SYTL2: variants seen among roughly 807,000 people sequenced by gnomAD.
The protein encoded by SYTL2 is synaptotagmin-like protein 2.
Under a neutral mutation model 198.7 loss-of-function variants are expected in SYTL2, and 165 were observed. The ratio of observed to expected loss-of-function variants is 0.83; its 90% confidence interval spans 0.73 to 0.94. The LOEUF (loss-of-function observed/expected upper bound fraction) is 0.94. SYTL2 is among the 40% of genes least tolerant of loss of function. The probability of loss-of-function intolerance (pLI) is 0.00; values close to 1 mark genes in which losing one functional copy is unlikely to be tolerated. For missense variants in SYTL2, 2,835 were observed against 2,582.8 expected, an observed-to-expected ratio of 1.10 and a Z score of -2.12; for synonymous variants, 966 against 917.7, an observed-to-expected ratio of 1.05 and a Z score of -0.95.
chr11:85,814,575 A>G (rs548181116), upstream of SYTL2, among the ~76,000 whole-genome samples: 1 of 152,282 alleles, frequency 6.6e-6, no homozygotes, highest in South Asian at 2.1e-4. Flanking sequence ...ACAAAATGGA[A>G]TATTGTTTGC....
chr11:85,726,101 G>C lies in SYTL2; in HGVS notation c.3257C>G (p.Ser1086Ter). The part of the protein sequence containing the change: ...KYTYQLPGNE[S>*]SKENVEKNTE... ...ATTCTTTTCCACATTTTCCTTTGAT[G>C]ACTCATTTCCTGGCAACTGATAAGT... Residue 1086 changes from serine to a stop codon, truncating the protein, a stop_gained, in exon 8 of 20, where the codon TCA becomes TGA. Transcript: ENST00000359152. LOFTEE classifies it high-confidence loss of function. The C allele has an allele frequency of 6.2e-7, 1 of 1,613,598 alleles. No individual in the cohort carries two copies. Among genetic ancestry groups the C allele is most frequent in the Non-Finnish European group, 8.5e-7 (1 of 1,179,876 alleles).
intron 18 of SYTL2, 55 bp from the exon 19 acceptor site, chr11:85,696,443 G>A (rs1200889903): frequency 9.9e-6 from 13 of 1,318,252 alleles, no homozygotes; most frequent in Non-Finnish European, 1.4e-5. Context: ...GAACATTCAT[G>A]CTTTCAATAC....
intron 9 of SYTL2, among the ~76,000 whole-genome samples, chr11:85,719,951 A>G (rs908615239): frequency 1.3e-5 from 2 of 152,192 alleles, no homozygotes; most frequent in African/African-American, 4.8e-5. Context: ...TTTTCACTTG[A>G]TAATTTTTCT....
At chr11:85,807,189 T>C (rs905795061) in intron 1 of SYTL2, among the ~76,000 whole-genome samples, 13 of 152,226 alleles carry the variant, frequency 8.5e-5, no homozygotes, top group African/African-American at 3.1e-4. Context: ...TTTCATTCTA[T>C]AAAATGGGAC....
intron 2 of SYTL2, among the ~76,000 whole-genome samples, chr11:85,753,163 G>A (rs2091647737): frequency 6.6e-6 from 1 of 151,992 alleles, no homozygotes; most frequent in Admixed American, 6.6e-5. Flanking sequence ...TTTTGAGTAT[G>A]TGATTTTCAA....
intron 1 of SYTL2, among the ~76,000 whole-genome samples, chr11:85,796,831 AATAAACTTAAAT>A: frequency 6.6e-6 from 1 of 152,224 alleles, no homozygotes; most frequent in East Asian, 1.9e-4. Flanking sequence ...TATACTTTTA[AATAAACTTAAAT>A]ATATCAGGAA....
At chr11:85,821,884 C>T in the SYTL2 span, among the ~76,000 whole-genome samples, 1 of 152,276 alleles carries the variant, frequency 6.6e-6, no homozygotes, top group African/African-American at 2.4e-5. Flanking sequence ...GGTGTTGTTG[C>T]TCTTGAATAG....
At chr11:85,794,622 T>C (rs2092777028) in intron 1 of SYTL2, among the ~76,000 whole-genome samples, 1 of 152,206 alleles carries the variant, frequency 6.6e-6, no homozygotes, top group Non-Finnish European at 1.5e-5. Context: ...TATCCCTTGG[T>C]GAGGAAACTT....
chr11:85,756,224 C>T (rs561998481), intron 2 of SYTL2, among the ~76,000 whole-genome samples: 5 of 152,300 alleles, frequency 3.3e-5, no homozygotes, highest in Non-Finnish European at 7.4e-5. Context: ...GACAATCCTT[C>T]ACCTCTCCTG....
At chr11:85,696,506 A>AGTG (rs2083432285) in intron 18 of SYTL2, 118 bp from the exon 19 acceptor site, 6 of 858,442 alleles carry the variant, frequency 7.0e-6, no homozygotes, top group Non-Finnish European at 9.4e-6. Flanking sequence ...GTGGAGAGAT[A>AGTG]GTGGTGGTGG....
At chr11:85,837,720 C>T in the SYTL2 span, among the ~76,000 whole-genome samples, 23,992 of 152,098 alleles carry the variant, frequency 0.16, 2,072 homozygotes, top group Middle Eastern at 0.2. Context: ...GAGGAACACA[C>T]ATTATAATGA....
At chr11:85,755,482 C>T (rs776938131) in intron 2 of SYTL2, among the ~76,000 whole-genome samples, 18 of 152,258 alleles carry the variant, frequency 1.2e-4, no homozygotes, top group Non-Finnish European at 2.4e-4. Flanking sequence ...CAGCACCAGT[C>T]GCAGCTGCTG....
chr11:85,773,104 C>T (rs905126081), intron 1 of SYTL2, among the ~76,000 whole-genome samples: 8 of 152,186 alleles, frequency 5.3e-5, no homozygotes, highest in African/African-American at 1.9e-4. Context: ...CCTGTATGGC[C>T]ATGAGTGTTT....
intron 1 of SYTL2, among the ~76,000 whole-genome samples, chr11:85,796,422 T>G (rs1470439816): frequency 1.3e-5 from 2 of 152,206 alleles, no homozygotes; most frequent in Non-Finnish European, 2.9e-5. Context: ...AGAGAAATAA[T>G]GAAAGTGAAT....
chr11:85,848,040 AACAAG>A, the SYTL2 span, among the ~76,000 whole-genome samples: 2 of 152,136 alleles, frequency 1.3e-5, no homozygotes, highest in African/African-American at 4.8e-5. Context: ...CAGCCTAGGC[AACAAG>A]ACAAGACCCC....
At chr11:85,746,042 A>C (rs2091134313) in intron 3 of SYTL2, among the ~76,000 whole-genome samples, 2 of 152,206 alleles carry the variant, frequency 1.3e-5, no homozygotes, top group Admixed American at 1.3e-4. Flanking sequence ...TTAAAGCAAA[A>C]TTCTGACTGC....
chr11:85,724,562 G>C lies in SYTL2; in HGVS notation c.4796C>G (p.Ser1599Ter). The C allele has an allele frequency of 1.9e-6, 3 of 1,613,662 alleles. No individual in the cohort carries two copies. The highest frequency in any genetic ancestry group is 2.5e-6 in the Non-Finnish European group (3 of 1,179,884). The change falls in exon 8 of 20, where the codon TCA (serine) becomes TGA (stop). Residue 1599 changes from serine to a stop codon, truncating the protein, a stop_gained. Coordinates refer to ENST00000359152, the MANE Select transcript of SYTL2 (RefSeq NM_206927.4). LOFTEE classifies it high-confidence loss of function. ...TGTCCCCAAGAACCTGGTCTGCTCT[G>C]ACTGTGAGGACTCCTTCTCGTGAGT... is the stretch of plus-strand genomic sequence containing the variant. ...EETHEKESSQ[S>*]EQTRFLGTVP...
intron 3 of SYTL2, among the ~76,000 whole-genome samples, chr11:85,747,991 G>A (rs1191718050): frequency 6.6e-6 from 1 of 152,134 alleles, no homozygotes; most frequent in East Asian, 1.9e-4. Flanking sequence ...AGCCAAAGAA[G>A]AGGTGGTAGA....
chr11:85,812,184 G>A (rs544979450), upstream of SYTL2, among the ~76,000 whole-genome samples: 1 of 152,292 alleles, frequency 6.6e-6, no homozygotes, highest in South Asian at 2.1e-4. Flanking sequence ...GCCAGCCCAG[G>A]CAAACCTCTG....
Sources: gnomAD v4.1 joint callset for allele counts (sites outside exome capture counted in the v4.1 genomes callset) on GRCh38, gnomAD v4.1.1 for gene constraint, MANE v1.5 for transcripts, NCBI Gene and HGNC (gene_info 2026-07-23, HGNC 2026-07-21) for gene names.